Variants in UST observed in about 807,000 individuals in gnomAD.
UST encodes uronyl 2-sulfotransferase.
Under a neutral mutation model 45.6 loss-of-function variants are expected in UST, and 21 were observed. That is an observed-to-expected ratio of 0.46 (90% CI 0.33 to 0.66). The LOEUF is 0.66. Among genes scored for constraint, UST ranks in the 30% least tolerant of loss-of-function variants. The pLI, the probability that UST is intolerant of heterozygous loss-of-function variation, is 0.02. For missense variants in UST, 463 were observed against 512.4 expected (o/e 0.90, Z 0.93); for synonymous variants, 215 against 200.6 (o/e 1.07, Z -0.61).
At chr6:148,871,117 C>CCTCTCTCTCTCTCTCTCT (rs749134391) in intron 1 of UST, among the ~76,000 whole-genome samples, 1,823 of 97,346 alleles carry the variant, frequency 0.019, 191 homozygotes, top group African/African-American at 0.035. Context: ...GCATTCTCTC[C>CCTCTCTCTCTCTCTCTCT]CTCTCTCTCT....
In UST at chr6:148,803,021, T is replaced by C. The variant is rs559649719; in HGVS notation, c.247+55344T>C. Among the ~76,000 whole-genome samples, 4 of 152,330 alleles carry C rather than the reference T, an allele frequency of 2.6e-5. No homozygotes were observed. In the Middle Eastern group the frequency reaches 0.014, roughly 518 times the overall value. On this transcript the variant is annotated intron_variant, in intron 1 of 7. Transcript: ENST00000367463. ...ATGGTGATGGTATGAACATTTTTAT[T>C]ATTATCATCATTTTTATTATCGTTA...
chr6:148,831,891 T>C (rs1777694882), intron 1 of UST, among the ~76,000 whole-genome samples: 1 of 152,230 alleles, frequency 6.6e-6, no homozygotes, highest in African/African-American at 2.4e-5. Context: ...AAGTGGTGGA[T>C]TCCAATTCAG....
At chr6:148,969,581 C>G (rs1480226128) in intron 5 of UST, among the ~76,000 whole-genome samples, 1 of 152,154 alleles carries the variant, frequency 6.6e-6, no homozygotes, top group Middle Eastern at 3.2e-3. Flanking sequence ...GCTTTGGAAG[C>G]TAAAACTCTC....
chr6:148,766,217 G>T (rs1230286186), intron 1 of UST, among the ~76,000 whole-genome samples: 1 of 152,000 alleles, frequency 6.6e-6, no homozygotes, highest in African/African-American at 2.4e-5. Flanking sequence ...CTGTCACCTT[G>T]TCAGAATGAT....
At chr6:149,064,813 G>A (rs1446044069) in intron 7 of UST, among the ~76,000 whole-genome samples, 1 of 152,014 alleles carries the variant, frequency 6.6e-6, no homozygotes, top group Admixed American at 6.6e-5. Flanking sequence ...CCAGAAGAAT[G>A]TAGCCGCCCT....
chr6:148,930,196 A>G (rs894055209), intron 2 of UST, among the ~76,000 whole-genome samples: 2 of 152,348 alleles, frequency 1.3e-5, no homozygotes, highest in African/African-American at 2.4e-5. Flanking sequence ...CGCTTACCAC[A>G]TGGTATCAGC....
intron 1 of UST, among the ~76,000 whole-genome samples, chr6:148,799,044 A>AT (rs1383335682): frequency 1.3e-5 from 2 of 151,548 alleles, no homozygotes; most frequent in Non-Finnish European, 2.9e-5. Flanking sequence ...TAATTTTTGT[A>AT]TTTTTCGTAC....
intron 7 of UST, among the ~76,000 whole-genome samples, chr6:149,070,469 A>G (rs9485353): frequency 0.34 from 50,909 of 151,844 alleles, 8,935 homozygotes; most frequent in Middle Eastern, 0.36. Flanking sequence ...TTTAATTTCA[A>G]TGAAGACCAT....
At chr6:148,776,010 C>G (rs868867097) in intron 1 of UST, among the ~76,000 whole-genome samples, 4 of 152,144 alleles carry the variant, frequency 2.6e-5, no homozygotes, top group Non-Finnish European at 5.9e-5. Context: ...TGTTTTATAA[C>G]TTGGAGGAAT....
At chr6:148,929,202 C>G (rs1042267474) in intron 2 of UST, among the ~76,000 whole-genome samples, 3 of 152,170 alleles carry the variant, frequency 2.0e-5, no homozygotes, top group African/African-American at 4.8e-5. Flanking sequence ...ACAGCCTCCC[C>G]CTCTTTAGCA....
At chr6:149,019,791 T>G (rs1171325898) in intron 6 of UST, among the ~76,000 whole-genome samples, 1 of 152,106 alleles carries the variant, frequency 6.6e-6, no homozygotes, top group Non-Finnish European at 1.5e-5. Context: ...CTTTAGAGAG[T>G]GACTTACTCA....
intron 2 of UST, among the ~76,000 whole-genome samples, chr6:148,905,853 C>T (rs1480733457): frequency 6.6e-6 from 1 of 152,212 alleles, no homozygotes; most frequent in Admixed American, 6.5e-5. Context: ...CTTAGAATGT[C>T]ACTTCTGACC....
chr6:148,974,782 G>A (rs1036090208), intron 5 of UST, among the ~76,000 whole-genome samples: 1 of 152,210 alleles, frequency 6.6e-6, no homozygotes, highest in South Asian at 2.1e-4. Context: ...AAATGGCTCT[G>A]CATTTCATAT....
At chr6:148,995,917 C>T (rs1425278377) in intron 5 of UST, among the ~76,000 whole-genome samples, 1 of 152,212 alleles carries the variant, frequency 6.6e-6, no homozygotes, top group Non-Finnish European at 1.5e-5. Context: ...ATTCACATGA[C>T]CTGGCAGGCA....
chr6:148,949,136 C>A (rs1040369711), intron 3 of UST, among the ~76,000 whole-genome samples: 34 of 151,840 alleles, frequency 2.2e-4, no homozygotes, highest in South Asian at 1.0e-3. Flanking sequence ...ACTAAAAATA[C>A]AAAAATTAGC....
At chr6:149,006,430 TC>T (rs1358492991) in intron 5 of UST, among the ~76,000 whole-genome samples, 3 of 152,200 alleles carry the variant, frequency 2.0e-5, no homozygotes, top group Admixed American at 2.0e-4. Context: ...ATGATCTTGT[TC>T]CTTTTTATGG....
intron 1 of UST, among the ~76,000 whole-genome samples, chr6:148,841,579 T>G (rs1451180038): frequency 7.6e-6 from 1 of 130,844 alleles, no homozygotes; most frequent in African/African-American, 3.0e-5. Flanking sequence ...GGGGTCTGTT[T>G]TGTTTTTGTT....
intron 5 of UST, among the ~76,000 whole-genome samples, chr6:149,002,674 T>A (rs978893299): frequency 1.3e-5 from 2 of 152,052 alleles, no homozygotes; most frequent in African/African-American, 4.8e-5. Context: ...GCCCAGCTAA[T>A]TTTTGTATTT....
chr6:148,834,693 C>T (rs1777754502), intron 1 of UST, among the ~76,000 whole-genome samples: 1 of 152,136 alleles, frequency 6.6e-6, no homozygotes, highest in Non-Finnish European at 1.5e-5. Context: ...TGCGCCACTG[C>T]ACTCCAGCCT....
Sources: allele counts gnomAD v4.1 joint callset (sites outside exome capture counted in the v4.1 genomes callset), GRCh38; gene constraint gnomAD v4.1.1; transcripts MANE v1.5; gene names NCBI Gene and HGNC (gene_info 2026-07-23, HGNC 2026-07-21).